The following MYO6 variants were observed in gnomAD, a reference collection of about 807,000 sequenced individuals.
The protein encoded by MYO6 is myosin VI.
MYO6 carries 74 observed loss-of-function variants against 178.7 expected under a neutral mutation model. The observed-to-expected ratio is 0.41, with a 90% CI of 0.34 to 0.50. The LOEUF is 0.50. Among genes scored for constraint, MYO6 ranks in the 20% least tolerant of loss-of-function variants. The pLI is 0.09. For synonymous variants in MYO6, 477 were observed against 504.6 expected (o/e 0.95, Z 0.73); for missense variants, 1,330 against 1,547.4 (o/e 0.86, Z 2.36).
At chr6:75,870,129 A>G (rs1282910667) in intron 18 of MYO6, among the ~76,000 whole-genome samples, 1 of 152,126 alleles carries the variant, frequency 6.6e-6, no homozygotes, top group Non-Finnish European at 1.5e-5. Flanking sequence ...AAGAAAAAAA[A>G]AAAAGTTACA....
At chr6:75,892,461 A>G (rs780650987) in intron 27 of MYO6, 69 bp from the exon 28 acceptor site, 34 of 1,590,680 alleles carry the variant, frequency 2.1e-5, no homozygotes, top group Non-Finnish European at 2.7e-5. Flanking sequence ...CTTTATTTTA[A>G]GTAATAAGGG....
intron 7 of MYO6, among the ~76,000 whole-genome samples, chr6:75,840,145 A>T (rs1774067956): frequency 6.9e-6 from 1 of 145,330 alleles, no homozygotes. Flanking sequence ...TTACATGTGA[A>T]TTCCTTCATG....
rs774617732 is a variant in MYO6 at position 75,893,055 on chromosome 6, A to G, written c.3107+365A>G. 2.4e-4 allele frequency among the ~76,000 whole-genome samples: 37 copies of G among 152,286 alleles called. 1 individual carries two copies. The highest frequency in any genetic ancestry group is 1.6e-3 in the Admixed American group (24 of 15,298). ...GCATTGAAATAAGTGACTGTGTTAT[A>G]TAATGCAGTGTAATGTATTTGTAGT... is the stretch of plus-strand genomic sequence containing the variant. On this transcript the variant is annotated intron_variant, in intron 28 of 34. Coordinates refer to ENST00000369977, the MANE Select transcript of MYO6 (RefSeq NM_004999.4).
chr6:75,838,782 C>G (rs752593331), intron 7 of MYO6, among the ~76,000 whole-genome samples: 2 of 151,784 alleles, frequency 1.3e-5, no homozygotes, highest in Admixed American at 6.6e-5. Flanking sequence ...CTGCCTCAGG[C>G]TCCTGAGTAG....
In MYO6 at chr6:75,881,780, G is replaced by C. The variant is rs1448731691; in HGVS notation, c.2378G>C (p.Trp793Ser). Reference sequence around the variant, plus strand: ...AATCACTGGCTCACATGCAGTCGCTGGAAGAAAGTTCAGTGGTGCTCACTC... The same window carrying C: ...AATCACTGGCTCACATGCAGTCGCTCGAAGAAAGTTCAGTGGTGCTCACTC... ...RVNHWLTCSR[W>S]KKVQWCSLSV... is the part of the protein sequence containing the mutation. Residue 793 changes from tryptophan (W) to serine (S), a missense_variant, in exon 23 of 35, where the codon TGG (tryptophan) becomes TCG (serine). Physicochemically the swap from Trp to Ser is radical, Grantham distance 177. Transcript: ENST00000369977. 1 of 1,613,820 alleles carries C rather than the reference G, an allele frequency of 6.2e-7. No homozygotes were observed. Among genetic ancestry groups the C allele is most frequent in the African/African-American group, 1.3e-5 (1 of 74,926 alleles).
intron 1 of MYO6, among the ~76,000 whole-genome samples, chr6:75,814,648 G>A (rs1771032532): frequency 6.6e-6 from 1 of 152,170 alleles, no homozygotes; most frequent in Middle Eastern, 3.4e-3. Context: ...GATTGCTTGA[G>A]CCCAGGAGTT....
At chr6:75,894,392 A>G (rs919900773) in intron 28 of MYO6, among the ~76,000 whole-genome samples, 2 of 152,194 alleles carry the variant, frequency 1.3e-5, no homozygotes, top group African/African-American at 4.8e-5. Flanking sequence ...CAGAAGAGCT[A>G]GTTTTAGTTA....
rs1562227404 is a variant in MYO6, at chr6:75,835,973, A to G, written c.553+17A>G. On this transcript the variant is annotated intron_variant, in intron 7 of 34. Transcript: ENST00000369977. ...TTGTTGAAGGTATTGCTAATTTTTC[A>G]GTTGTTACGCGTGTACTGAAATTAA... 1.9e-6 allele frequency: 3 copies of G among 1,567,784 alleles called. No homozygotes were observed. Among genetic ancestry groups the G allele is most frequent in the South Asian group, 1.1e-5 (1 of 90,160 alleles).
intron 23 of MYO6, 123 bp from the exon 24 acceptor site, chr6:75,885,881 T>C (rs1778395607): frequency 1.5e-6 from 1 of 675,710 alleles, no homozygotes; most frequent in Non-Finnish European, 2.6e-6. Flanking sequence ...GTCTGATATA[T>C]AATAATATGG....
rs747320509 is a variant in MYO6 at position 75,870,641 on chromosome 6, T to G, written c.1945-6T>G. 2 of 1,611,218 alleles carry G rather than the reference T, an allele frequency of 1.2e-6. No homozygotes were observed. Among genetic ancestry groups the G allele is most frequent in the South Asian group, 1.1e-5 (1 of 90,954 alleles). ...AAATAATAAACTGATTTCCTTTCTT[T>G]CACAGACACAGTTAAATTTGCTTCT... is the stretch of plus-strand genomic sequence containing the variant. On this transcript the variant is annotated splice_region_variant and splice_polypyrimidine_tract_variant and intron_variant, in intron 18 of 34. Transcript: ENST00000369977.
chr6:75,823,178 T>C (rs965624190), intron 3 of MYO6, among the ~76,000 whole-genome samples: 1 of 152,206 alleles, frequency 6.6e-6, no homozygotes, highest in African/African-American at 2.4e-5. Flanking sequence ...GTGGTTTTTA[T>C]TGTAGTATAT....
chr6:75,765,897 G>A (rs1778374345), intron 1 of MYO6, among the ~76,000 whole-genome samples: 1 of 151,974 alleles, frequency 6.6e-6, no homozygotes, highest in Admixed American at 6.6e-5. Flanking sequence ...CGTGGTAGGT[G>A]TGTGCCTGTA....
chr6:75,827,490 G>T (rs1772603726), intron 3 of MYO6, among the ~76,000 whole-genome samples: 1 of 152,202 alleles, frequency 6.6e-6, no homozygotes, highest in Non-Finnish European at 1.5e-5. Context: ...GATGTTGATA[G>T]AGACCCAGTG....
At chr6:75,902,458 G>T (rs1422434144) in intron 30 of MYO6, among the ~76,000 whole-genome samples, 1 of 152,220 alleles carries the variant, frequency 6.6e-6, no homozygotes, top group East Asian at 1.9e-4. Context: ...TGTTGGGAGA[G>T]TGTATGTGTT....
At chr6:75,901,954 A>G (rs895803001) in intron 30 of MYO6, among the ~76,000 whole-genome samples, 4 of 152,214 alleles carry the variant, frequency 2.6e-5, no homozygotes, top group South Asian at 2.1e-4. Context: ...AATTTTGTCA[A>G]AAGCCTTTTC....
intron 1 of MYO6, among the ~76,000 whole-genome samples, chr6:75,793,451 A>G (rs1218180898): frequency 6.6e-6 from 1 of 152,086 alleles, no homozygotes; most frequent in African/African-American, 2.4e-5. Flanking sequence ...TAAAAATACA[A>G]AAATTAGCCA....
At chr6:75,842,118 G>T (rs1774291294) in intron 9 of MYO6, among the ~76,000 whole-genome samples, 1 of 152,034 alleles carries the variant, frequency 6.6e-6, no homozygotes, top group African/African-American at 2.4e-5. Flanking sequence ...GCCAGGCATT[G>T]GGCCAGGATT....
chr6:75,874,942 A>G (rs1052827266), intron 20 of MYO6, among the ~76,000 whole-genome samples: 2 of 152,188 alleles, frequency 1.3e-5, no homozygotes, highest in Non-Finnish European at 2.9e-5. Flanking sequence ...CTTCATAGCC[A>G]CATTTGACTC....
At chr6:75,890,326 A>G in intron 26 of MYO6, 61 bp downstream of exon 26, 1 of 1,602,352 alleles carries the variant, frequency 6.2e-7, no homozygotes. Context: ...CTTGGTATTG[A>G]CAGTGGTTAA....
Sources: allele counts gnomAD v4.1 joint callset (sites outside exome capture counted in the v4.1 genomes callset), GRCh38; gene constraint gnomAD v4.1.1; transcripts MANE v1.5; gene names NCBI Gene and HGNC (gene_info 2026-07-23, HGNC 2026-07-21).